The following STK33 variants were observed in gnomAD, a reference collection of about 807,000 sequenced individuals.
STK33 encodes serine/threonine-protein kinase 33.
In STK33, 52 loss-of-function variants were observed where a neutral mutation model predicts 58.0. The ratio of observed to expected loss-of-function variants is 0.90; its 90% CI spans 0.72 to 1.13. STK33 has a LOEUF of 1.13. Among genes scored for constraint, STK33 ranks in the 50% most tolerant of loss-of-function variants. The pLI is 0.00. For missense variants in STK33, 630 were observed against 604.2 expected, an observed-to-expected ratio of 1.04 and a Z score of -0.45; for synonymous variants, 215 against 200.1, an observed-to-expected ratio of 1.07 and a Z score of -0.63.
At chr11:8,489,256 C>CA (rs1418590022) in intron 1 of STK33, among the ~76,000 whole-genome samples, 16 of 48,750 alleles carry the variant, frequency 3.3e-4, no homozygotes, top group Admixed American at 1.0e-3. Flanking sequence ...GAAGCTATCT[C>CA]CAAAAAAAAA....
intron 14 of STK33, among the ~76,000 whole-genome samples, chr11:8,420,169 C>T (rs10769905): frequency 0.6 from 90,482 of 151,866 alleles, 27,647 homozygotes; most frequent in African/African-American, 0.71. Flanking sequence ...TAAGAAAAGA[C>T]ATGATGTAAG....
intron 1 of STK33, among the ~76,000 whole-genome samples, chr11:8,550,077 A>G (rs1956203771): frequency 6.6e-6 from 1 of 152,232 alleles, no homozygotes; most frequent in African/African-American, 2.4e-5. Flanking sequence ...TCTCAGTGAT[A>G]TATCAGCATC....
chr11:8,391,580 T>C (rs1016740693), downstream of STK33, among the ~76,000 whole-genome samples: 1 of 152,216 alleles, frequency 6.6e-6, no homozygotes, highest in Non-Finnish European at 1.5e-5. Context: ...AACTAGGTTA[T>C]GACTTTATGA....
intron 1 of STK33, among the ~76,000 whole-genome samples, chr11:8,482,366 A>G (rs1949874950): frequency 1.3e-5 from 2 of 152,214 alleles, no homozygotes; most frequent in Admixed American, 6.5e-5. Context: ...AGCAAAGAGC[A>G]TCAGAGGTCC....
the STK33 span, among the ~76,000 whole-genome samples, chr11:8,370,332 G>A: frequency 6.6e-6 from 1 of 152,024 alleles, no homozygotes; most frequent in Non-Finnish European, 1.5e-5. Context: ...TAAATAGCTG[G>A]GACTACAGAA....
chr11:8,378,379 A>T, the STK33 span, among the ~76,000 whole-genome samples: 3 of 152,168 alleles, frequency 2.0e-5, no homozygotes, highest in African/African-American at 7.2e-5. Context: ...TTAGCTGGGC[A>T]TGGTGGTGCA....
chr11:8,493,682 A>G (rs777175598), intron 1 of STK33, among the ~76,000 whole-genome samples: 1 of 152,176 alleles, frequency 6.6e-6, no homozygotes, highest in African/African-American at 2.4e-5. Flanking sequence ...GATGAACATC[A>G]ATGCTAAAAT....
At chr11:8,506,340 C>T (rs188931267) in intron 1 of STK33, among the ~76,000 whole-genome samples, 2 of 152,164 alleles carry the variant, frequency 1.3e-5, no homozygotes, top group African/African-American at 4.8e-5. Context: ...ATAATTTGGG[C>T]AGTACTAAAG....
chr11:8,421,848 A>C (rs778741080), intron 14 of STK33, among the ~76,000 whole-genome samples: 26 of 152,000 alleles, frequency 1.7e-4, no homozygotes, highest in Non-Finnish European at 3.4e-4. Flanking sequence ...TGATGTCTTC[A>C]TTTTTATTAC....
At chr11:8,540,710 G>A (rs889584938) in intron 1 of STK33, among the ~76,000 whole-genome samples, 4 of 151,974 alleles carry the variant, frequency 2.6e-5, no homozygotes, top group Admixed American at 2.6e-4. Context: ...AATACACAGA[G>A]CACAAAACAG....
the STK33 span, among the ~76,000 whole-genome samples, chr11:8,385,982 G>A: frequency 6.7e-6 from 1 of 149,346 alleles, no homozygotes; most frequent in South Asian, 2.1e-4. Context: ...CACCATGTTA[G>A]CCAGGATGGT....
intron 1 of STK33, among the ~76,000 whole-genome samples, chr11:8,524,295 C>A (rs531840256): frequency 3.9e-5 from 6 of 151,966 alleles, no homozygotes; most frequent in African/African-American, 7.3e-5. Flanking sequence ...CTCCGAGAAA[C>A]ACCCAAGAAC....
chr11:8,379,037 T>G, the STK33 span, among the ~76,000 whole-genome samples: 9 of 152,082 alleles, frequency 5.9e-5, no homozygotes, highest in Admixed American at 1.3e-4. Flanking sequence ...AAAACATAAA[T>G]TGGGGAAAGG....
intron 1 of STK33, among the ~76,000 whole-genome samples, chr11:8,563,729 AC>A (rs1957264952): frequency 6.6e-6 from 1 of 152,198 alleles, no homozygotes; most frequent in South Asian, 2.1e-4. Flanking sequence ...GGTAATAAAA[AC>A]ACCTGGAAAA....
Position 8,573,633 on chromosome 11 carries a change from C to T in STK33, c.-466+20450G>A, listed in dbSNP as rs142084794. ...GTTCACACAGAAACTTGTACACAAA[C>T]GTTCATAGCAGCTTTATCAGTAACC... On this transcript the variant is annotated intron_variant, in intron 1 of 15. Transcript: ENST00000687296. Among the ~76,000 whole-genome samples the T allele has an allele frequency of 7.7e-4, 118 of 152,294 alleles. No individual in the cohort carries two copies. The Middle Eastern group carries it at 0.01, about 13-fold the overall frequency.
the STK33 span, among the ~76,000 whole-genome samples, chr11:8,373,258 C>T: frequency 2.1e-4 from 32 of 152,218 alleles, no homozygotes; most frequent in African/African-American, 7.5e-4. Flanking sequence ...ATTTCATCGG[C>T]CAAAGTGAGT....
intron 11 of STK33, among the ~76,000 whole-genome samples, chr11:8,450,588 AG>A (rs1306336845): frequency 6.6e-6 from 1 of 151,482 alleles, no homozygotes; most frequent in Non-Finnish European, 1.5e-5. Context: ...TAATAAAAAA[AG>A]TTCATGATTT....
At chr11:8,506,587 G>T (rs150157855) in intron 1 of STK33, among the ~76,000 whole-genome samples, 28 of 151,626 alleles carry the variant, frequency 1.8e-4, no homozygotes, top group Non-Finnish European at 2.4e-4. Flanking sequence ...GGACTCGTGT[G>T]ATTAGATTGG....
At position 8,424,183 on chromosome 11, in the gene STK33, C is replaced by T. The variant is rs867231821; in HGVS notation, c.1147-10491G>A. ...GCCCCGGTGTGTGATGTTCCCCTTC[C>T]TGTGTCCTAGTGTTCTCATTGTTCA... is the stretch of plus-strand genomic sequence containing the variant. On this transcript the variant is annotated intron_variant, in intron 14 of 15. Coordinates refer to ENST00000687296, the MANE Select transcript of STK33 (RefSeq NM_001352389.2). 1.3e-3 allele frequency among the ~76,000 whole-genome samples: 191 copies of T among 149,700 alleles called. 4 individuals are homozygous for T. The highest frequency in any genetic ancestry group is 3.4e-3 in the Middle Eastern group (1 of 292).
Sources: gnomAD v4.1 joint callset for allele counts (sites outside exome capture counted in the v4.1 genomes callset) on GRCh38, gnomAD v4.1.1 for gene constraint, MANE v1.5 for transcripts, NCBI Gene and HGNC (gene_info 2026-07-23, HGNC 2026-07-21) for gene names.